The following KCNH7 variants were observed in gnomAD, a reference collection of about 807,000 sequenced individuals.
The protein encoded by KCNH7 is potassium voltage-gated channel subfamily H member 7, also known as voltage-gated inwardly rectifying potassium channel KCNH7.
In KCNH7, 49 loss-of-function variants were observed where a neutral mutation model predicts 120.8. The ratio of observed to expected loss-of-function variants is 0.41; its 90% CI spans 0.32 to 0.51. The LOEUF (loss-of-function observed/expected upper bound fraction) is 0.51. Ranked by LOEUF, KCNH7 falls within the 20% of genes least tolerant of loss-of-function variation. KCNH7 has a pLI of 0.38. For synonymous variants in KCNH7, 547 were observed against 516.1 expected, an observed-to-expected ratio of 1.06 and a Z score of -0.81; for missense variants, 1,097 against 1,446.6, an observed-to-expected ratio of 0.76 and a Z score of 3.92.
intron 2 of KCNH7, among the ~76,000 whole-genome samples, chr2:162,576,762 A>G (rs976464398): frequency 6.6e-6 from 1 of 152,060 alleles, no homozygotes. Flanking sequence ...TTGTAATAAA[A>G]GAAAGAAGTG....
At chr2:162,811,295 G>C (rs1684725801) in intron 2 of KCNH7, among the ~76,000 whole-genome samples, 3 of 152,092 alleles carry the variant, frequency 2.0e-5, no homozygotes, top group Admixed American at 2.0e-4. Flanking sequence ...AAGATGACTG[G>C]AGAAAGGATT....
At chr2:162,815,535 A>G (rs1053402024) in intron 2 of KCNH7, among the ~76,000 whole-genome samples, 2 of 152,228 alleles carry the variant, frequency 1.3e-5, no homozygotes, top group African/African-American at 2.4e-5. Context: ...AACATAAAGA[A>G]TAAAAGAAAG....
At chr2:162,591,718 TTTG>T (rs1357250086) in intron 2 of KCNH7, among the ~76,000 whole-genome samples, 20 of 152,260 alleles carry the variant, frequency 1.3e-4, no homozygotes, top group Middle Eastern at 3.4e-3. Flanking sequence ...CTATAGAATA[TTTG>T]TTATTAAAAT....
At chr2:162,512,712 A>C in intron 4 of KCNH7, 38 bp from the exon 5 acceptor site, 1 of 1,549,510 alleles carries the variant, frequency 6.5e-7, no homozygotes, top group South Asian at 1.1e-5. Context: ...AGAGAAATAT[A>C]AAAAGAAGAC....
intron 6 of KCNH7, among the ~76,000 whole-genome samples, chr2:162,498,135 C>G (rs1403372807): frequency 1.3e-5 from 2 of 152,064 alleles, no homozygotes; most frequent in Non-Finnish European, 2.9e-5. Flanking sequence ...CCTTCTGGCT[C>G]ATTAAGGTCC....
In KCNH7 at chr2:162,625,415, A is replaced by C. The variant is rs374673571; in HGVS notation, c.308-88335T>G. 2.0e-4 allele frequency among the ~76,000 whole-genome samples: 31 copies of C among 152,330 alleles called. 1 individual carries two copies. In the East Asian group the frequency reaches 5.4e-3, roughly 27 times the overall value. On this transcript the variant is annotated intron_variant, in intron 2 of 15. Coordinates refer to ENST00000332142, the MANE Select transcript of KCNH7 (RefSeq NM_033272.4). ...TTACCCAGTATGTGATCAGTCTTCA[A>C]CACATGTTTCCTGTTATTATTTTCT...
At chr2:162,694,894 C>T (rs569850867) in intron 2 of KCNH7, among the ~76,000 whole-genome samples, 1 of 152,134 alleles carries the variant, frequency 6.6e-6, no homozygotes, top group East Asian at 1.9e-4. Context: ...CAGGCATCTG[C>T]CACCATGCCA....
intron 2 of KCNH7, among the ~76,000 whole-genome samples, chr2:162,684,753 G>C (rs555982205): frequency 6.6e-6 from 1 of 152,104 alleles, no homozygotes; most frequent in Admixed American, 6.6e-5. Context: ...GTTGGTGGGA[G>C]TGTAAATTAG....
intron 2 of KCNH7, among the ~76,000 whole-genome samples, chr2:162,790,625 T>A (rs907985436): frequency 6.6e-6 from 1 of 151,962 alleles, no homozygotes; most frequent in Non-Finnish European, 1.5e-5. Context: ...ATTAAGAGGA[T>A]CATTCATCAT....
chr2:162,542,236 G>C (rs1222523912), intron 2 of KCNH7, among the ~76,000 whole-genome samples: 1 of 140,284 alleles, frequency 7.1e-6, no homozygotes, highest in African/African-American at 2.7e-5. Context: ...TTTTTTCTTT[G>C]ATGAGCTTCT....
intron 10 of KCNH7, among the ~76,000 whole-genome samples, chr2:162,399,539 A>G (rs1379099311): frequency 2.6e-5 from 4 of 151,752 alleles, no homozygotes; most frequent in African/African-American, 4.8e-5. Context: ...ACCTCACGAC[A>G]GGCCCCAGTG....
chr2:162,836,020 A>G (rs997854449), intron 2 of KCNH7, among the ~76,000 whole-genome samples: 4 of 152,148 alleles, frequency 2.6e-5, no homozygotes, highest in Non-Finnish European at 4.4e-5. Context: ...AAAAGTTCCT[A>G]TTTATCATCC....
chr2:162,538,562 A>G (rs1039662330), intron 2 of KCNH7, among the ~76,000 whole-genome samples: 2 of 152,042 alleles, frequency 1.3e-5, no homozygotes, highest in African/African-American at 4.8e-5. Context: ...GAGCCCTAAC[A>G]TCTGCAAAGG....
intron 2 of KCNH7, among the ~76,000 whole-genome samples, chr2:162,781,054 T>C (rs113517280): frequency 0.03 from 4,572 of 152,158 alleles, 224 homozygotes; most frequent in African/African-American, 0.1. Flanking sequence ...ATAGCTGAAA[T>C]GGAGATTAAA....
chr2:162,797,198 G>A (rs114857069), intron 2 of KCNH7: 2,524 of 152,094 alleles, frequency 0.017, 60 homozygotes, highest in African/African-American at 0.051. Context: ...TTTGGGTTTC[G>A]TCTCAGAAAT....
At chr2:162,788,133 T>C (rs1683781579) in intron 2 of KCNH7, among the ~76,000 whole-genome samples, 1 of 152,100 alleles carries the variant, frequency 6.6e-6, no homozygotes, top group Admixed American at 6.5e-5. Flanking sequence ...CCATAGCCTA[T>C]CCTAAAGAAA....
chr2:162,751,679 T>C (rs1046393149), intron 2 of KCNH7, among the ~76,000 whole-genome samples: 2 of 152,002 alleles, frequency 1.3e-5, no homozygotes, highest in African/African-American at 4.8e-5. Flanking sequence ...TGATCATTTA[T>C]ATTTTCCCAT....
intron 2 of KCNH7, among the ~76,000 whole-genome samples, chr2:162,741,482 A>T (rs953353906): frequency 6.6e-6 from 1 of 151,924 alleles, no homozygotes; most frequent in African/African-American, 2.4e-5. Flanking sequence ...TGTATTATAT[A>T]TGATTTGATG....
intron 6 of KCNH7, among the ~76,000 whole-genome samples, chr2:162,489,665 G>C (rs1195545772): frequency 6.6e-6 from 1 of 152,082 alleles, no homozygotes; most frequent in Non-Finnish European, 1.5e-5. Context: ...AGCAAACAAT[G>C]ACAAATATTG....
Sources: gnomAD v4.1 joint callset for allele counts (sites outside exome capture counted in the v4.1 genomes callset) on GRCh38, gnomAD v4.1.1 for gene constraint, MANE v1.5 for transcripts, NCBI Gene and HGNC (gene_info 2026-07-23, HGNC 2026-07-21) for gene names.